PCED1B: variants seen among roughly 807,000 people sequenced by gnomAD.
The protein encoded by PCED1B is PC-esterase domain containing 1B, also known as PC-esterase domain-containing protein 1B.
For synonymous variants in PCED1B, 251 were observed against 246.1 expected (o/e 1.02, Z -0.19); for missense variants, 573 against 573.9 (o/e 1.00, Z 0.02).
chr12:47,099,848 G>A (rs1486234318), intron 1 of PCED1B, among the ~76,000 whole-genome samples: 4 of 152,150 alleles, frequency 2.6e-5, no homozygotes, highest in Non-Finnish European at 5.9e-5. Flanking sequence ...TTCCATCTGG[G>A]CACCTCCAGC....
At chr12:47,159,257 C>T (rs914501828) in intron 2 of PCED1B, among the ~76,000 whole-genome samples, 3 of 152,058 alleles carry the variant, frequency 2.0e-5, no homozygotes, top group Admixed American at 6.6e-5. Flanking sequence ...GGATAAATAC[C>T]AAGTAGTGGG....
rs1941927595 is a variant in PCED1B, at chr12:47,079,730, C to T, written c.-609+5C>T. ...TCCTCTCATTGCAGGCTGAAGGTACCGCCTCGGCGCTCTGGCCGCCGTGTG... is the reference window on the plus strand; with the variant it reads ...TCCTCTCATTGCAGGCTGAAGGTACTGCCTCGGCGCTCTGGCCGCCGTGTG... On this transcript the variant is annotated splice_donor_5th_base_variant and intron_variant, in intron 1 of 3. Coordinates refer to ENST00000546455, the MANE Select transcript of PCED1B (RefSeq NM_138371.3). 1 of 151,526 alleles carries T rather than the reference C, an allele frequency of 6.6e-6. No homozygotes were observed. Among genetic ancestry groups the T allele is most frequent in the African/African-American group, 2.4e-5 (1 of 41,356 alleles). 9.4% of individuals were successfully genotyped at this position (151,526 alleles called of 1,614,324 possible). A position where few individuals can be genotyped will look rare whatever the true frequency, so the allele number is the denominator to read the frequency against.
intron 2 of PCED1B, among the ~76,000 whole-genome samples, chr12:47,145,831 ATGT>A (rs568154082): frequency 1.1e-3 from 167 of 152,338 alleles, no homozygotes; most frequent in African/African-American, 3.8e-3. Context: ...AAGGAGATAA[ATGT>A]TGTTTCATGC....
At chr12:47,175,460 T>C (rs1486426205) in intron 2 of PCED1B, among the ~76,000 whole-genome samples, 1 of 152,188 alleles carries the variant, frequency 6.6e-6, no homozygotes, top group Non-Finnish European at 1.5e-5. Flanking sequence ...ATCTAGAATG[T>C]TGTAACAATT....
chr12:47,134,059 G>A (rs917070656), intron 2 of PCED1B, among the ~76,000 whole-genome samples: 4 of 152,190 alleles, frequency 2.6e-5, no homozygotes, highest in African/African-American at 9.6e-5. Flanking sequence ...AAGCCACCCA[G>A]TCTATGGCAC....
chr12:47,083,033 G>T (rs1035875888), intron 1 of PCED1B, among the ~76,000 whole-genome samples: 19 of 149,860 alleles, frequency 1.3e-4, no homozygotes, highest in Non-Finnish European at 2.2e-4. Flanking sequence ...TCATGTGAGT[G>T]TCTAGCTGGG....
At chr12:47,213,521 C>G (rs1043894644) in intron 2 of PCED1B, among the ~76,000 whole-genome samples, 8 of 151,732 alleles carry the variant, frequency 5.3e-5, no homozygotes, top group African/African-American at 1.9e-4. Flanking sequence ...TATAGGATTC[C>G]CAAGAAGATA....
chr12:47,115,729 G>A (rs1939391289), intron 2 of PCED1B, among the ~76,000 whole-genome samples: 1 of 152,208 alleles, frequency 6.6e-6, no homozygotes, highest in African/African-American at 2.4e-5. Context: ...GTGAGGTAAT[G>A]ACATGATGAT....
rs533559671 is a variant in PCED1B, at chr12:47,168,851, T to C, written c.-525-47371T>C. The stretch of plus-strand genomic sequence containing the variant: ...CATTCTTTTTTTCTTATTTCTGAGT[T>C]TTATTAGAGAATATAACCTGTAAAA... On this transcript the variant is annotated intron_variant, in intron 2 of 3. Transcript: ENST00000546455. Among the ~76,000 whole-genome samples, 8 of 152,284 alleles carry C rather than the reference T, an allele frequency of 5.3e-5. No homozygotes were observed. In the South Asian group the frequency reaches 1.7e-3, roughly 32 times the overall value.
At chr12:47,080,199 C>T (rs1467518127) in intron 1 of PCED1B, among the ~76,000 whole-genome samples, 1 of 152,126 alleles carries the variant, frequency 6.6e-6, no homozygotes, top group Non-Finnish European at 1.5e-5. Flanking sequence ...CCAACCCACT[C>T]GCCTACCAAT....
intron 3 of PCED1B, among the ~76,000 whole-genome samples, chr12:47,231,848 CG>C (rs1943818089): frequency 6.6e-6 from 1 of 152,124 alleles, no homozygotes; most frequent in South Asian, 2.1e-4. Context: ...GAAGGCACAT[CG>C]AGCTGGGGCA....
At chr12:47,181,959 A>C (rs1039287430) in intron 2 of PCED1B, among the ~76,000 whole-genome samples, 1 of 152,202 alleles carries the variant, frequency 6.6e-6, no homozygotes, top group South Asian at 2.1e-4. Context: ...GTCCACTCCT[A>C]TTACTAATGG....
In PCED1B at chr12:47,185,897, C is replaced by A. The variant is rs376019895; in HGVS notation, c.-525-30325C>A. 2.6e-5 allele frequency among the ~76,000 whole-genome samples: 4 copies of A among 151,772 alleles called. No homozygotes were observed. In the East Asian group the frequency reaches 7.7e-4, roughly 29 times the overall value. ...CATTGCACATACACATAGGAGTATT[C>A]AGTAATAAGTAATTCAAAGGAGTGG... On this transcript the variant is annotated intron_variant, in intron 2 of 3. Transcript: ENST00000546455.
At chr12:47,151,165 A>G (rs1323131003) in intron 2 of PCED1B, among the ~76,000 whole-genome samples, 10 of 151,806 alleles carry the variant, frequency 6.6e-5, no homozygotes, top group African/African-American at 2.2e-4. Context: ...ACATATATTT[A>G]TAAATATACA....
chr12:47,202,616 A>G (rs9795530), intron 2 of PCED1B, among the ~76,000 whole-genome samples: 2 of 150,720 alleles, frequency 1.3e-5, no homozygotes, highest in African/African-American at 2.4e-5. Flanking sequence ...AAAAAAAAAA[A>G]AAAGAAAAAA....
At chr12:47,142,613 A>G (rs937094025) in intron 2 of PCED1B, among the ~76,000 whole-genome samples, 21 of 152,200 alleles carry the variant, frequency 1.4e-4, no homozygotes, top group African/African-American at 4.8e-4. Flanking sequence ...TAATAAAGAA[A>G]TAAAAAACAT....
chr12:47,160,028 G>A (rs562655767), intron 2 of PCED1B, among the ~76,000 whole-genome samples: 47 of 152,128 alleles, frequency 3.1e-4, no homozygotes, highest in African/African-American at 1.1e-3. Flanking sequence ...TGGCACCTTT[G>A]TCAAAAATCA....
At chr12:47,094,974 A>G (rs745690365) in intron 1 of PCED1B, among the ~76,000 whole-genome samples, 5 of 145,778 alleles carry the variant, frequency 3.4e-5, no homozygotes, top group Non-Finnish European at 6.0e-5. Context: ...TGGCGTGATC[A>G]TGGCTCACTG....
intron 1 of PCED1B, among the ~76,000 whole-genome samples, chr12:47,097,306 AG>A (rs1938520121): frequency 6.6e-6 from 1 of 152,200 alleles, no homozygotes; most frequent in East Asian, 1.9e-4. Flanking sequence ...TTCTTAAACG[AG>A]CACCCTCTTC....
Sources: gnomAD v4.1 joint callset for allele counts (sites outside exome capture counted in the v4.1 genomes callset) on GRCh38, gnomAD v4.1.1 for gene constraint, MANE v1.5 for transcripts, NCBI Gene and HGNC (gene_info 2026-07-23, HGNC 2026-07-21) for gene names.